The following PDE4B variants were observed in gnomAD, a reference collection of about 807,000 sequenced individuals.
PDE4B encodes the protein 3',5'-cyclic-AMP phosphodiesterase 4B.
Under a neutral mutation model 82.2 loss-of-function variants are expected in PDE4B, and 20 were observed. The ratio of observed to expected loss-of-function variants is 0.24; its 90% CI spans 0.17 to 0.35. The LOEUF (loss-of-function observed/expected upper bound fraction) is 0.35, where lower values mean the gene tolerates loss of function less well. PDE4B is among the 10% of genes least tolerant of loss of function. The pLI is 1.00. For synonymous variants in PDE4B, 320 were observed against 318.9 expected, an observed-to-expected ratio of 1.00 and a Z score of -0.04; for missense variants, 655 against 907.2, an observed-to-expected ratio of 0.72 and a Z score of 3.57.
chr1:66,265,637 G>T (rs1001854347), intron 6 of PDE4B, among the ~76,000 whole-genome samples: 6 of 152,154 alleles, frequency 3.9e-5, no homozygotes, highest in Non-Finnish European at 8.8e-5. Context: ...ATCGCCAAGG[G>T]TTCCTCTGGC....
intron 3 of PDE4B, among the ~76,000 whole-genome samples, chr1:66,006,383 T>C (rs1018904427): frequency 2.6e-5 from 4 of 152,172 alleles, no homozygotes; most frequent in African/African-American, 4.8e-5. Context: ...AGCTTTAATC[T>C]GGGTAAGGAG....
chr1:66,200,562 G>C (rs201178942), intron 3 of PDE4B, among the ~76,000 whole-genome samples: 2 of 151,894 alleles, frequency 1.3e-5, no homozygotes, highest in African/African-American at 4.8e-5. Flanking sequence ...GGTCCTTCAC[G>C]TCCCTTGTAA....
At chr1:66,053,210 T>G (rs1655131683) in intron 3 of PDE4B, among the ~76,000 whole-genome samples, 1 of 152,210 alleles carries the variant, frequency 6.6e-6, no homozygotes, top group Non-Finnish European at 1.5e-5. Context: ...CTTTTACGTA[T>G]GTGTATTAAA....
At chr1:66,365,872 G>A (rs1663207332) in intron 13 of PDE4B, 106 bp downstream of exon 13, 1 of 591,840 alleles carries the variant, frequency 1.7e-6, no homozygotes, top group African/African-American at 1.8e-5. Flanking sequence ...ATAATAATGA[G>A]GCAATCCTTC....
intron 3 of PDE4B, among the ~76,000 whole-genome samples, chr1:66,170,267 A>G (rs1341621062): frequency 2.6e-5 from 4 of 152,212 alleles, no homozygotes; most frequent in Non-Finnish European, 5.9e-5. Flanking sequence ...ATTTAAAAAC[A>G]CTGAATAATG....
intron 1 of PDE4B, among the ~76,000 whole-genome samples, chr1:65,819,516 T>G (rs1645927246): frequency 6.6e-6 from 1 of 151,388 alleles, no homozygotes; most frequent in Non-Finnish European, 1.5e-5. Context: ...TTTTTTTTTT[T>G]TTTGAGACAG....
chr1:65,827,281 G>C (rs1419224908), intron 1 of PDE4B, among the ~76,000 whole-genome samples: 2 of 150,766 alleles, frequency 1.3e-5, no homozygotes, highest in Admixed American at 6.6e-5. Context: ...GCAAAAAAAA[G>C]TCATTTGAAA....
intron 1 of PDE4B, among the ~76,000 whole-genome samples, chr1:65,885,412 G>A (rs548482888): frequency 2.0e-5 from 3 of 152,146 alleles, no homozygotes; most frequent in East Asian, 1.9e-4. Context: ...ACATGCACAC[G>A]TATGTTTTTT....
chr1:66,363,221 T>G lies in PDE4B; in HGVS notation c.1074T>G (p.Tyr358Ter). 6.2e-7 allele frequency: 1 copy of G among 1,613,200 alleles called. No homozygotes were observed. The highest frequency in any genetic ancestry group is 8.5e-7 in the Non-Finnish European group (1 of 1,179,262). Reference sequence around the variant, plus strand: ...TTAACATCTTTAATGTGGCTGGATATTCTCACAATAGACCCCTAACATGCA... The same window carrying G: ...TTAACATCTTTAATGTGGCTGGATAGTCTCACAATAGACCCCTAACATGCA... The part of the protein sequence containing the change: ...WGLNIFNVAG[Y>*]SHNRPLTCIM... The change falls in exon 11 of 17, where the codon TAT (tyrosine) becomes TAG (stop). Residue 358 changes from tyrosine to a stop codon, truncating the protein, a stop_gained. Coordinates refer to ENST00000341517, the MANE Select transcript of PDE4B (RefSeq NM_002600.4). LOFTEE classifies it high-confidence loss of function.
chr1:65,911,054 A>G (rs1000744181), intron 1 of PDE4B, among the ~76,000 whole-genome samples: 1 of 152,186 alleles, frequency 6.6e-6, no homozygotes, highest in Non-Finnish European at 1.5e-5. Context: ...TTTCCGAGTC[A>G]GGACATGTGT....
chr1:65,926,014 GC>G (rs1325345775), intron 3 of PDE4B, among the ~76,000 whole-genome samples: 1 of 152,108 alleles, frequency 6.6e-6, no homozygotes, highest in Non-Finnish European at 1.5e-5. Context: ...TGAGAAAATA[GC>G]CCTTTGAAGT....
intron 7 of PDE4B, among the ~76,000 whole-genome samples, chr1:66,276,249 C>A (rs1196038861): frequency 1.3e-5 from 2 of 152,206 alleles, no homozygotes; most frequent in Admixed American, 6.5e-5. Context: ...AACTAAACTT[C>A]TTTGCGTATA....
chr1:66,211,234 A>G (rs1455950841), intron 3 of PDE4B, among the ~76,000 whole-genome samples: 1 of 152,254 alleles, frequency 6.6e-6, no homozygotes, highest in African/African-American at 2.4e-5. Context: ...GACACTATCC[A>G]GGTGCAACTT....
intron 3 of PDE4B, among the ~76,000 whole-genome samples, chr1:65,963,380 G>A (rs1446093043): frequency 1.3e-5 from 2 of 152,176 alleles, no homozygotes; most frequent in Admixed American, 6.5e-5. Flanking sequence ...CCAGCACAGC[G>A]AGGAGAATGT....
intron 3 of PDE4B, among the ~76,000 whole-genome samples, chr1:66,070,570 G>C (rs1656101756): frequency 6.6e-6 from 1 of 151,884 alleles, no homozygotes; most frequent in Non-Finnish European, 1.5e-5. Flanking sequence ...CTCACCTTTT[G>C]GGAAGGTGGA....
intron 1 of PDE4B, among the ~76,000 whole-genome samples, chr1:65,842,475 A>T (rs1449509483): frequency 2.6e-5 from 4 of 152,168 alleles, no homozygotes; most frequent in Non-Finnish European, 4.4e-5. Flanking sequence ...ATATTGTATC[A>T]TGATTAGCTG....
At chr1:66,289,827 A>C (rs754266543) in intron 7 of PDE4B, among the ~76,000 whole-genome samples, 1 of 152,062 alleles carries the variant, frequency 6.6e-6, no homozygotes, top group African/African-American at 2.4e-5. Context: ...ATGCTTGCCT[A>C]ATCAAGAATG....
At chr1:66,156,635 G>A (rs544024) in intron 3 of PDE4B, among the ~76,000 whole-genome samples, 37,877 of 151,500 alleles carry the variant, frequency 0.25, 5,188 homozygotes, top group Non-Finnish European at 0.31. Flanking sequence ...TTCTTTTACA[G>A]CAAAGCCCAA....
rs78200604 is a variant in PDE4B at position 65,867,766 on chromosome 1, T to C, written c.-70-45479T>C. Among the ~76,000 whole-genome samples, 827 of 152,344 alleles carry C rather than the reference T, an allele frequency of 5.4e-3. 13 individuals carry two copies. The highest frequency in any genetic ancestry group is 0.019 in the African/African-American group (776 of 41,568). ...CATCATTGTTCAGAAGGTTAGTGTCTTTTCCCAAACAGAGATACACACTTC... is the reference window on the plus strand; with the variant it reads ...CATCATTGTTCAGAAGGTTAGTGTCCTTTCCCAAACAGAGATACACACTTC... On this transcript the variant is annotated intron_variant, in intron 1 of 16. Transcript: ENST00000341517.
Sources: gnomAD v4.1 joint callset for allele counts (sites outside exome capture counted in the v4.1 genomes callset) on GRCh38, gnomAD v4.1.1 for gene constraint, MANE v1.5 for transcripts, NCBI Gene and HGNC (gene_info 2026-07-23, HGNC 2026-07-21) for gene names.